PCDH11X: variants seen among roughly 807,000 people sequenced by gnomAD.
PCDH11X encodes the protein protocadherin-11 X-linked.
A neutral mutation model predicts 53.3 loss-of-function variants in PCDH11X; 18 were observed. That is an observed-to-expected ratio of 0.34 (90% CI 0.23 to 0.50). The LOEUF is 0.50. PCDH11X is among the 20% of genes least tolerant of loss of function. PCDH11X has a pLI of 0.98. For synonymous variants in PCDH11X, 279 were observed against 393.3 expected, an observed-to-expected ratio of 0.71 and a Z score of 3.44; for missense variants, 570 against 1,032.4, an observed-to-expected ratio of 0.55 and a Z score of 6.14.
intron 10 of PCDH11X, among the ~76,000 whole-genome samples, chrX:92,586,625 T>A (rs2148792947): frequency 9.4e-6 from 1 of 106,482 alleles, no homozygotes; most frequent in East Asian, 3.0e-4. Context: ...TTGGTGATGA[T>A]CGCTTAATTA....
intron 8 of PCDH11X, among the ~76,000 whole-genome samples, chrX:92,331,883 C>A (rs1234944306): frequency 9.0e-6 from 1 of 111,422 alleles, no homozygotes; most frequent in Non-Finnish European, 1.9e-5. Flanking sequence ...AATTTATTTG[C>A]ACTGTTACAT....
chrX:92,484,094 G>GTT (rs2073565247), intron 10 of PCDH11X, among the ~76,000 whole-genome samples: 1 of 100,063 alleles, frequency 1.0e-5, no homozygotes. Flanking sequence ...CTCTGTGTGT[G>GTT]TGTGTGTGTG....
chrX:92,082,376 A>C (rs1479934221), intron 6 of PCDH11X, among the ~76,000 whole-genome samples: 1 of 109,750 alleles, frequency 9.1e-6, no homozygotes, highest in Non-Finnish European at 1.9e-5. Flanking sequence ...TGAAGTACAC[A>C]TTGACATCTG....
At chrX:92,261,549 T>A (rs2067715018) in intron 7 of PCDH11X, among the ~76,000 whole-genome samples, 2 of 111,996 alleles carry the variant, frequency 1.8e-5, no homozygotes, top group Admixed American at 9.5e-5. Context: ...TCACTAAAAA[T>A]TTTAATGCTT....
intron 4 of PCDH11X, among the ~76,000 whole-genome samples, chrX:91,829,400 C>G (rs1418827529): frequency 1.2e-5 from 1 of 82,335 alleles, no homozygotes; most frequent in African/African-American, 4.6e-5. Flanking sequence ...AGTGAAGACA[C>G]AAATATATAT....
At chrX:92,112,932 G>A in intron 6 of PCDH11X, among the ~76,000 whole-genome samples, 1 of 109,464 alleles carries the variant, frequency 9.1e-6, no homozygotes. Flanking sequence ...AAAACACTTA[G>A]TTTATTGATT....
At chrX:92,000,337 C>T (rs1227841482) in intron 6 of PCDH11X, among the ~76,000 whole-genome samples, 2 of 111,378 alleles carry the variant, frequency 1.8e-5, no homozygotes, top group African/African-American at 6.5e-5. Context: ...CGAAGTATTA[C>T]AGCATACGAT....
chrX:92,552,040 G>A (rs1364043965), intron 10 of PCDH11X, among the ~76,000 whole-genome samples: 1 of 77,646 alleles, frequency 1.3e-5, no homozygotes, highest in Non-Finnish European at 2.5e-5. Flanking sequence ...GGGAATTTTT[G>A]TGATTCCATA....
At chrX:92,280,779 A>C (rs2068233493) in intron 8 of PCDH11X, among the ~76,000 whole-genome samples, 1 of 109,649 alleles carries the variant, frequency 9.1e-6, no homozygotes, top group South Asian at 3.8e-4. Context: ...AATTAATCAA[A>C]TATATTTTTT....
At chrX:92,415,697 A>C (rs1401533066) in intron 9 of PCDH11X, among the ~76,000 whole-genome samples, 1 of 109,474 alleles carries the variant, frequency 9.1e-6, no homozygotes, top group African/African-American at 3.4e-5. Context: ...AAAAATAATA[A>C]TTTGTTGTGT....
rs1403317916 is a variant in PCDH11X, at chrX:92,203,163, CTAGT to C, written c.3114+1711_3114+1714del. Among the ~76,000 whole-genome samples, 6 of 112,184 alleles carry C rather than the reference CTAGT, an allele frequency of 5.3e-5. No homozygotes were observed. The Admixed American group carries it at 5.7e-4, about 11-fold the overall frequency. ...TTAATATCCATAAATTGCCTTCTAC[CTAGT>C]TATTTTCAAATGTCTTTTATTTGTT... On this transcript the variant is annotated intron_variant, in intron 7 of 10. Coordinates refer to ENST00000682573, the MANE Select transcript of PCDH11X (RefSeq NM_032968.5).
intron 2 of PCDH11X, among the ~76,000 whole-genome samples, chrX:91,809,856 C>A (rs1299426601): frequency 9.1e-6 from 1 of 110,251 alleles, no homozygotes; most frequent in Non-Finnish European, 1.9e-5. Flanking sequence ...CTATGGAATT[C>A]GAGGGAGATC....
At chrX:91,846,229 T>G (rs2147646037) in intron 5 of PCDH11X, among the ~76,000 whole-genome samples, 1 of 111,965 alleles carries the variant, frequency 8.9e-6, no homozygotes, top group African/African-American at 3.2e-5. Flanking sequence ...GTGACACAAT[T>G]ATTTTTGTTT....
intron 5 of PCDH11X, among the ~76,000 whole-genome samples, chrX:91,851,463 C>T (rs1938007023): frequency 9.0e-6 from 1 of 111,470 alleles, no homozygotes; most frequent in South Asian, 3.7e-4. Context: ...AGTTGTTCTT[C>T]TTCCATTTTT....
intron 6 of PCDH11X, among the ~76,000 whole-genome samples, chrX:92,175,457 A>T (rs1334493975): frequency 9.0e-6 from 1 of 110,748 alleles, no homozygotes; most frequent in Non-Finnish European, 1.9e-5. Context: ...GAGATGAGTA[A>T]GTGAACAGTT....
intron 8 of PCDH11X, among the ~76,000 whole-genome samples, chrX:92,298,017 GT>G (rs2068643349): frequency 9.0e-6 from 1 of 110,851 alleles, no homozygotes; most frequent in Admixed American, 9.7e-5. Flanking sequence ...CTTTGCTTAA[GT>G]TGTTTATCAG....
At chrX:91,937,334 G>A in intron 6 of PCDH11X, among the ~76,000 whole-genome samples, 1 of 110,639 alleles carries the variant, frequency 9.0e-6, no homozygotes, top group Non-Finnish European at 1.9e-5. Flanking sequence ...TTTTGCTTAT[G>A]TTTTCTAAAA....
chrX:91,945,792 A>C (rs1188268558), intron 6 of PCDH11X, among the ~76,000 whole-genome samples: 1 of 110,394 alleles, frequency 9.1e-6, no homozygotes, highest in African/African-American at 3.3e-5. Context: ...GATGAAACCG[A>C]ACCTTTACCC....
At chrX:92,248,171 A>G (rs1183288843) in intron 7 of PCDH11X, among the ~76,000 whole-genome samples, 1 of 111,387 alleles carries the variant, frequency 9.0e-6, no homozygotes, top group East Asian at 2.8e-4. Context: ...CCCAGAAGAC[A>G]ATATGTTTCC....
Sources: gnomAD v4.1 joint callset for allele counts (sites outside exome capture counted in the v4.1 genomes callset) on GRCh38, gnomAD v4.1.1 for gene constraint, MANE v1.5 for transcripts, NCBI Gene and HGNC (gene_info 2026-07-23, HGNC 2026-07-21) for gene names.